The following B3GALT5 variants were observed in gnomAD, a reference collection of about 807,000 sequenced individuals.
The protein encoded by B3GALT5 is beta-1,3-galactosyltransferase 5, also known as UDP-Gal:betaGlcNAc beta 1,3-galactosyltransferase, polypeptide 5.
For missense variants in B3GALT5, 328 were observed against 396.6 expected (o/e 0.83, Z 1.47); for synonymous variants, 156 against 158.6 (o/e 0.98, Z 0.12).
chr21:39,636,073 C>A (rs867409601), intron 1 of B3GALT5, among the ~76,000 whole-genome samples: 2 of 152,174 alleles, frequency 1.3e-5, no homozygotes, highest in African/African-American at 4.8e-5. Context: ...CCACCATAAA[C>A]CACAGAAGTT....
In B3GALT5 at chr21:39,671,458, G is replaced by A. The variant is rs1311175962; in HGVS notation, c.*9966G>A. Reference sequence around the variant, plus strand: ...TAGATACTTGATAATTATCTATTGGGTTCTCAGGGGATCTCTCAAAGGTGG... The same window carrying A: ...TAGATACTTGATAATTATCTATTGGATTCTCAGGGGATCTCTCAAAGGTGG... On this transcript the variant is annotated 3_prime_UTR_variant, in exon 4 of 4. Coordinates refer to ENST00000684187, the MANE Select transcript of B3GALT5 (RefSeq NM_001356336.2). The A allele has an allele frequency of 6.6e-6, 1 of 152,034 alleles. No homozygotes were observed. The highest frequency in any genetic ancestry group is 1.5e-5 in the Non-Finnish European group (1 of 68,010). 9.4% of individuals were successfully genotyped at this position (152,034 alleles called of 1,614,324 possible).
chr21:39,655,767 G>T (rs2079436940), intron 2 of B3GALT5, among the ~76,000 whole-genome samples: 1 of 152,168 alleles, frequency 6.6e-6, no homozygotes, highest in African/African-American at 2.4e-5. Context: ...GCCCAGCCAG[G>T]CTGGCGTCAG....
Position 39,663,866 on chromosome 21 carries a change from A to C in B3GALT5, c.*2374A>C, listed in dbSNP as rs1170244013. ...TGTCTGGATGTGAGAGTGAGAAACA[A>C]TGTGAAAGCATGAGTGAGGAGGCCA... On this transcript the variant is annotated 3_prime_UTR_variant, in exon 4 of 4. Transcript: ENST00000684187. 6.6e-6 allele frequency: 1 copy of C among 152,220 alleles called. No homozygotes were observed. Among genetic ancestry groups the C allele is most frequent in the Non-Finnish European group, 1.5e-5 (1 of 68,072 alleles). 9.4% of individuals were successfully genotyped at this position (152,220 alleles called of 1,614,324 possible). A position where few individuals can be genotyped will look rare whatever the true frequency, so the allele number is the denominator to read the frequency against.
chr21:39,632,938 A>G (rs745696133), intron 1 of B3GALT5, among the ~76,000 whole-genome samples: 1 of 152,118 alleles, frequency 6.6e-6, no homozygotes, highest in Non-Finnish European at 1.5e-5. Context: ...ATCTCTTCCT[A>G]CTTCTTTCCC....
chr21:39,671,006 T>G lies in B3GALT5; in HGVS notation c.*9514T>G, dbSNP rs1412364989. 6.6e-6 allele frequency: 1 copy of G among 152,246 alleles called. No individual in the cohort carries two copies. Among genetic ancestry groups the G allele is most frequent in the Non-Finnish European group, 1.5e-5 (1 of 68,050 alleles). The allele number at this position is 152,246 out of a possible 1,614,324, so 9.4% of individuals were successfully genotyped here. ...GCTCATGGTTCTAGAGGCTAGGAAG[T>G]CCAAGAGCTTGGCACTGGCCTCTGG... is the stretch of plus-strand genomic sequence containing the variant. On this transcript the variant is annotated 3_prime_UTR_variant, in exon 4 of 4. Coordinates refer to ENST00000684187, the MANE Select transcript of B3GALT5 (RefSeq NM_001356336.2).
intron 2 of B3GALT5, chr21:39,657,389 ATAT>A (rs903075206): frequency 6.6e-6 from 1 of 152,490 alleles, no homozygotes; most frequent in Non-Finnish European, 1.5e-5. Context: ...TGGAGCTGGG[ATAT>A]TCTTCTTCTC....
At position 39,661,287 on chromosome 21, in the gene B3GALT5, A is replaced by T; in HGVS notation, c.728A>T (p.Asp243Val). 1 of 1,614,148 alleles carries T rather than the reference A, an allele frequency of 6.2e-7. No individual in the cohort carries two copies. Among genetic ancestry groups the T allele is most frequent in the Non-Finnish European group, 8.5e-7 (1 of 1,180,044 alleles). ...AGCGTCCCATACATTAAACTGGAAG[A>T]CGTGTTTGTGGGGCTCTGCCTCGAA... is the stretch of plus-strand genomic sequence containing the variant. ...SKSVPYIKLE[D>V]VFVGLCLERL... Residue 243 changes from aspartate (D) to valine (V), a missense_variant, in exon 4 of 4, where the codon GAC becomes GTC. Asp to Val is a radical substitution (Grantham distance 152). Transcript: ENST00000684187. This position sits in a 1 kb window ranked among gnomAD's most constrained non-coding sequence, Gnocchi z 4.7.
intron 1 of B3GALT5, among the ~76,000 whole-genome samples, chr21:39,623,151 C>G (rs892980267): frequency 7.3e-6 from 1 of 137,036 alleles, no homozygotes; most frequent in Non-Finnish European, 1.6e-5. Context: ...CCCTTCCTCC[C>G]TTTCTCTTTC....
At chr21:39,622,765 T>C (rs1343987608) in intron 1 of B3GALT5, among the ~76,000 whole-genome samples, 1 of 152,078 alleles carries the variant, frequency 6.6e-6, no homozygotes, top group Admixed American at 6.5e-5. Context: ...GTTTTCTTTT[T>C]CATACCTTTT....
chr21:39,662,325 C>G lies in B3GALT5; in HGVS notation c.*833C>G, dbSNP rs567841863. ...CCTTCTGAGCCATCTGCTGCTCTCT[C>G]ATTTCATCACCCCAACTGTCCCTTG... On this transcript the variant is annotated 3_prime_UTR_variant, in exon 4 of 4. Coordinates refer to ENST00000684187, the MANE Select transcript of B3GALT5 (RefSeq NM_001356336.2). The G allele has an allele frequency of 1.8e-5, 3 of 167,276 alleles. No individual in the cohort carries two copies. In the East Asian group the frequency reaches 5.8e-4, roughly 32 times the overall value. 10.4% of individuals were successfully genotyped at this position (167,276 alleles called of 1,614,324 possible). A position where few individuals can be genotyped will look rare whatever the true frequency, so the allele number is the denominator to read the frequency against.
At chr21:39,638,454 A>G (rs1363584667) in intron 1 of B3GALT5, among the ~76,000 whole-genome samples, 1 of 152,294 alleles carries the variant, frequency 6.6e-6, no homozygotes, top group Admixed American at 6.5e-5. Flanking sequence ...GTCGGGGGAG[A>G]GCCCAGGCCG....
In B3GALT5 at chr21:39,672,552, A is replaced by T. The variant is rs1003915757; in HGVS notation, c.*11060A>T. On this transcript the variant is annotated 3_prime_UTR_variant, in exon 4 of 4. Coordinates refer to ENST00000684187, the MANE Select transcript of B3GALT5 (RefSeq NM_001356336.2). ...TATATGTCCTTATTATTGGTTAATA[A>T]TCATATTTATTTTTAATGAAAATTA... is the stretch of plus-strand genomic sequence containing the variant. 15 of 151,994 alleles carry T rather than the reference A, an allele frequency of 9.9e-5. No homozygotes were observed. Among genetic ancestry groups the T allele is most frequent in the African/African-American group, 3.6e-4 (15 of 41,224 alleles). 9.4% of individuals were successfully genotyped at this position (151,994 alleles called of 1,614,324 possible).
At chr21:39,619,022 T>G (rs1463002494) in intron 1 of B3GALT5, among the ~76,000 whole-genome samples, 2 of 152,216 alleles carry the variant, frequency 1.3e-5, no homozygotes, top group African/African-American at 4.8e-5. Context: ...CAGTCCTAGG[T>G]TGTTAATTCA....
At chr21:39,655,196 C>T (rs2079430849) in intron 2 of B3GALT5, among the ~76,000 whole-genome samples, 1 of 152,220 alleles carries the variant, frequency 6.6e-6, no homozygotes, top group African/African-American at 2.4e-5. Context: ...CCAGGAAGAG[C>T]TGATGTTTCA....
At chr21:39,623,046 ATTTTCTTTTC>A (rs960763275) in intron 1 of B3GALT5, among the ~76,000 whole-genome samples, 11 of 151,586 alleles carry the variant, frequency 7.3e-5, no homozygotes, top group Admixed American at 2.0e-4. Context: ...GAACTTGTAA[ATTTTCTTTTC>A]TTTTCTTTTC....
rs139383560 is a variant in B3GALT5, at chr21:39,666,387, C to T, written c.*4895C>T. The T allele has an allele frequency of 6.6e-6, 1 of 152,426 alleles. No homozygotes were observed. The highest frequency in any genetic ancestry group is 1.9e-4 in the East Asian group (1 of 5,192). The allele number at this position is 152,426 out of a possible 1,614,324, so 9.4% of individuals were successfully genotyped here. A position where few individuals can be genotyped will look rare whatever the true frequency, so the allele number is the denominator to read the frequency against. ...TGGTGCAGTCTTGGATCACTGCAAC[C>T]TCCACCTCCTGGGTTCTTGTGCCTC... On this transcript the variant is annotated 3_prime_UTR_variant, in exon 4 of 4. Coordinates refer to ENST00000684187, the MANE Select transcript of B3GALT5 (RefSeq NM_001356336.2).
intron 1 of B3GALT5, among the ~76,000 whole-genome samples, chr21:39,639,770 G>T (rs559779039): frequency 6.6e-6 from 1 of 151,946 alleles, no homozygotes; most frequent in African/African-American, 2.4e-5. Context: ...GAACCACTGC[G>T]CCCAGCCCAG....
intron 1 of B3GALT5, among the ~76,000 whole-genome samples, chr21:39,624,552 A>C (rs1283363639): frequency 6.6e-6 from 1 of 152,232 alleles, no homozygotes; most frequent in Non-Finnish European, 1.5e-5. Flanking sequence ...ACAGGTGCCT[A>C]TTATAATTGG....
chr21:39,654,586 G>A (rs1277860245), intron 2 of B3GALT5, among the ~76,000 whole-genome samples: 2 of 152,232 alleles, frequency 1.3e-5, no homozygotes, highest in African/African-American at 4.8e-5. Context: ...AAGTTCTTCT[G>A]TGGGTAAAAT....
Sources: allele counts gnomAD v4.1 joint callset (sites outside exome capture counted in the v4.1 genomes callset), GRCh38; gene constraint gnomAD v4.1.1; non-coding constraint Gnocchi (gnomAD v3.1); transcripts MANE v1.5; gene names NCBI Gene and HGNC (gene_info 2026-07-23, HGNC 2026-07-21).